The following MECOM variants were observed in gnomAD, a reference collection of about 807,000 sequenced individuals.
The protein encoded by MECOM is MDS1 and EVI1 complex locus.
Under a neutral mutation model 116.3 loss-of-function variants are expected in MECOM, and 13 were observed. That is an observed-to-expected ratio of 0.11 (90% CI 0.07 to 0.18). The LOEUF (loss-of-function observed/expected upper bound fraction) is 0.18, where lower values mean the gene tolerates loss of function less well. Among genes scored for constraint, MECOM ranks in the 10% least tolerant of loss-of-function variants. The pLI is 1.00. For missense variants in MECOM, 1,299 were observed against 1,509.0 expected (o/e 0.86, Z 2.31); for synonymous variants, 528 against 535.2 (o/e 0.99, Z 0.19).
intron 1 of MECOM, among the ~76,000 whole-genome samples, chr3:169,410,926 A>G (rs534864198): frequency 1.5e-4 from 23 of 152,288 alleles, no homozygotes; most frequent in African/African-American, 5.3e-4. Flanking sequence ...AGTCCACAAA[A>G]ACATGAAATG....
intron 1 of MECOM, among the ~76,000 whole-genome samples, chr3:169,569,113 T>C (rs1041640295): frequency 9.4e-5 from 14 of 149,208 alleles, no homozygotes; most frequent in Admixed American, 6.0e-4. Flanking sequence ...TGTTCAAAGA[T>C]ACACATAGGC....
At chr3:169,096,246 A>C (rs1420731585) in intron 12 of MECOM, among the ~76,000 whole-genome samples, 1 of 151,804 alleles carries the variant, frequency 6.6e-6, no homozygotes, top group East Asian at 1.9e-4. Flanking sequence ...ACTTGAAAAA[A>C]AAAGTTAACT....
chr3:169,550,312 G>A (rs1006723999), intron 1 of MECOM, among the ~76,000 whole-genome samples: 1 of 152,170 alleles, frequency 6.6e-6, no homozygotes, highest in East Asian at 1.9e-4. Context: ...GCTCCTGAAA[G>A]GTTAAAGGCT....
intron 2 of MECOM, among the ~76,000 whole-genome samples, chr3:169,187,052 T>C (rs757012285): frequency 1.3e-5 from 2 of 152,120 alleles, no homozygotes; most frequent in Non-Finnish European, 2.9e-5. Context: ...AGAAAAGTAA[T>C]TTATTTACTG....
intron 2 of MECOM, among the ~76,000 whole-genome samples, chr3:169,360,374 T>G (rs1204047915): frequency 6.7e-6 from 1 of 150,220 alleles, no homozygotes; most frequent in Non-Finnish European, 1.5e-5. Context: ...TTGACATTTC[T>G]TATGGTTCAA....
At chr3:169,337,082 G>T (rs1378994951) in intron 2 of MECOM, among the ~76,000 whole-genome samples, 2 of 152,118 alleles carry the variant, frequency 1.3e-5, no homozygotes, top group African/African-American at 4.8e-5. Flanking sequence ...TTGCGTCCAT[G>T]AATAAGATTT....
At chr3:169,165,101 G>A (rs529485866) in intron 2 of MECOM, among the ~76,000 whole-genome samples, 3 of 152,242 alleles carry the variant, frequency 2.0e-5, no homozygotes, top group South Asian at 2.1e-4. Flanking sequence ...TTTTGAAAAC[G>A]CTTAGTGAAA....
intron 2 of MECOM, among the ~76,000 whole-genome samples, chr3:169,149,077 C>CTTTTT (rs60870748): frequency 8.3e-4 from 95 of 114,882 alleles, no homozygotes; most frequent in African/African-American, 1.5e-3. Context: ...TCGGAGCTTT[C>CTTTTT]TTTTTTTTTT....
At chr3:169,605,029 C>T (rs1280267535) in intron 1 of MECOM, among the ~76,000 whole-genome samples, 1 of 152,062 alleles carries the variant, frequency 6.6e-6, no homozygotes, top group African/African-American at 2.4e-5. Context: ...TTTATAGATA[C>T]CATTAAGAAA....
At chr3:169,542,690 C>G (rs1369435385) in intron 1 of MECOM, among the ~76,000 whole-genome samples, 3 of 152,110 alleles carry the variant, frequency 2.0e-5, no homozygotes, top group African/African-American at 7.2e-5. Context: ...CAATGAGAGG[C>G]TAATCTTCAG....
At chr3:169,460,218 A>G (rs12629612) in intron 1 of MECOM, among the ~76,000 whole-genome samples, 19,330 of 152,154 alleles carry the variant, frequency 0.13, 1,808 homozygotes, top group East Asian at 0.28. Context: ...TATATTGTTC[A>G]AAGAGGAAAA....
At chr3:169,541,586 A>G (rs926440122) in intron 1 of MECOM, among the ~76,000 whole-genome samples, 50 of 152,114 alleles carry the variant, frequency 3.3e-4, no homozygotes, top group African/African-American at 1.1e-3. Flanking sequence ...CAGGACCCCA[A>G]ATTTCCCTGC....
chr3:169,505,523 C>T (rs992700763), intron 1 of MECOM, among the ~76,000 whole-genome samples: 1 of 152,118 alleles, frequency 6.6e-6, no homozygotes. Flanking sequence ...ATATAATCAC[C>T]TAACATAGTA....
At chr3:169,265,227 T>C (rs961621213) in intron 2 of MECOM, among the ~76,000 whole-genome samples, 5 of 152,092 alleles carry the variant, frequency 3.3e-5, no homozygotes, top group Non-Finnish European at 4.4e-5. Context: ...TCCACATAGG[T>C]CATGTTGTGG....
chr3:169,400,326 G>A lies in MECOM; in HGVS notation c.38-18802C>T, dbSNP rs1236582429. Among the ~76,000 whole-genome samples, 4 of 152,146 alleles carry A rather than the reference G, an allele frequency of 2.6e-5. 1 individual carries two copies. Among genetic ancestry groups the A allele is most frequent in the South Asian group, 4.1e-4 (2 of 4,822 alleles). ...CCAACACTTTCATGGATGGATATATGCTGCTAAATGGATGTTTACCTAGAA... is the reference window on the plus strand; with the variant it reads ...CCAACACTTTCATGGATGGATATATACTGCTAAATGGATGTTTACCTAGAA... On this transcript the variant is annotated intron_variant, in intron 1 of 16. Coordinates refer to ENST00000651503, the MANE Select transcript of MECOM (RefSeq NM_004991.4).
intron 1 of MECOM, among the ~76,000 whole-genome samples, chr3:169,546,502 GTGACTGGTCCAA>G (rs1760740366): frequency 6.6e-6 from 1 of 152,210 alleles, no homozygotes; most frequent in Non-Finnish European, 1.5e-5. Context: ...AAGTGGTGAA[GTGACTGGTCCAA>G]TGTACACATC....
intron 1 of MECOM, among the ~76,000 whole-genome samples, chr3:169,526,332 A>G (rs917628065): frequency 3.9e-5 from 6 of 152,314 alleles, no homozygotes; most frequent in African/African-American, 7.2e-5. Context: ...TATATATAAT[A>G]TACAAAATGA....
chr3:169,147,669 C>T (rs1283212382), intron 2 of MECOM: 3 of 984,166 alleles, frequency 3.0e-6, no homozygotes, highest in Admixed American at 1.2e-4. Context: ...GGATTTCTTT[C>T]CCCAGGGAAA....
At position 169,523,028 on chromosome 3, in the gene MECOM, T is replaced by A. The variant is rs142354095; in HGVS notation, c.37+140308A>T. On this transcript the variant is annotated intron_variant, in intron 1 of 16. Transcript: ENST00000651503. ...GACGAGTATGACATCATGTTATAGA[T>A]GATTTTTGTAATGTCATCACTTTGA... Among the ~76,000 whole-genome samples, 863 of 152,348 alleles carry A rather than the reference T, an allele frequency of 5.7e-3. 4 individuals are homozygous for A. The highest frequency in any genetic ancestry group is 9.6e-3 in the Non-Finnish European group (650 of 68,030).
Sources: gnomAD v4.1 joint callset for allele counts (sites outside exome capture counted in the v4.1 genomes callset) on GRCh38, gnomAD v4.1.1 for gene constraint, MANE v1.5 for transcripts, NCBI Gene and HGNC (gene_info 2026-07-23, HGNC 2026-07-21) for gene names.